Variants in SIMC1 observed in about 807,000 individuals in gnomAD.
SIMC1 encodes SUMO-interacting motif-containing protein 1.
A neutral mutation model predicts 82.3 loss-of-function variants in SIMC1; 55 were observed. That is an observed-to-expected ratio of 0.67 (90% CI 0.54 to 0.84). The LOEUF is 0.84. Ranked by LOEUF, SIMC1 falls within the 40% of genes least tolerant of loss-of-function variation. The probability of loss-of-function intolerance (pLI) is 0.00; values close to 1 mark genes in which losing one functional copy is unlikely to be tolerated. For synonymous variants in SIMC1, 353 were observed against 426.3 expected (o/e 0.83, Z 2.12); for missense variants, 915 against 1,107.2 (o/e 0.83, Z 2.46).
chr5:176,273,550 A>T (rs142672211), intron 1 of SIMC1, among the ~76,000 whole-genome samples: 3,208 of 152,258 alleles, frequency 0.021, 49 homozygotes, highest in Middle Eastern at 0.068. Context: ...CATGTGCACA[A>T]TGTGCAGGTT....
intron 1 of SIMC1, among the ~76,000 whole-genome samples, chr5:176,252,008 G>A (rs370623319): frequency 2.0e-5 from 3 of 151,718 alleles, no homozygotes; most frequent in Admixed American, 1.3e-4. Flanking sequence ...GCAACCATCC[G>A]ATTTCTCAAT....
chr5:176,291,910 G>C (rs529485337), intron 2 of SIMC1, among the ~76,000 whole-genome samples: 89 of 152,276 alleles, frequency 5.8e-4, no homozygotes, highest in Admixed American at 1.4e-3. Flanking sequence ...TTATCTTCTA[G>C]CTGGATGTGG....
intron 4 of SIMC1, among the ~76,000 whole-genome samples, chr5:176,304,662 G>T (rs1303960959): frequency 6.8e-6 from 1 of 147,250 alleles, no homozygotes; most frequent in Non-Finnish European, 1.5e-5. Context: ...TCTGGGATGT[G>T]AGGAGCCCCT....
rs1302866877 is a variant in SIMC1 at position 176,240,813 on chromosome 5, TTGAGCC to T, written c.129+2181_129+2186del. On this transcript the variant is annotated intron_variant, in intron 1 of 9. Transcript: ENST00000429602. ...GGAAAGTTCTGTCAACTCTCAGCTT[TTGAGCC>T]TGAGAACATTAATGCCTACCTAGCA... 2.3e-4 allele frequency among the ~76,000 whole-genome samples: 21 copies of T among 91,906 alleles called. 8 individuals are homozygous for T. The highest frequency in any genetic ancestry group is 8.3e-4 in the African/African-American group (20 of 24,168). The allele number at this position is 91,906 out of a possible 152,430, so 60.3% of individuals were successfully genotyped here.
intron 1 of SIMC1, among the ~76,000 whole-genome samples, chr5:176,256,448 C>T (rs1561673759): frequency 1.3e-5 from 2 of 152,118 alleles, no homozygotes; most frequent in Non-Finnish European, 2.9e-5. Flanking sequence ...TATACTCAGA[C>T]CTTCTATGGC....
chr5:176,301,197 G>A (rs1341597924), intron 4 of SIMC1, among the ~76,000 whole-genome samples: 1 of 152,160 alleles, frequency 6.6e-6, no homozygotes, highest in Non-Finnish European at 1.5e-5. Flanking sequence ...CCTGGTGGGA[G>A]GTAATTGAAT....
chr5:176,287,632 T>G (rs1763350081), intron 1 of SIMC1, among the ~76,000 whole-genome samples: 2 of 135,844 alleles, frequency 1.5e-5, no homozygotes, highest in Non-Finnish European at 3.2e-5. Flanking sequence ...AATATAATAA[T>G]TTTTTAAAAA....
chr5:176,325,672 C>T (rs530437743), intron 7 of SIMC1, among the ~76,000 whole-genome samples: 62 of 151,668 alleles, frequency 4.1e-4, no homozygotes, highest in African/African-American at 1.3e-3. Flanking sequence ...GGTGACAGAG[C>T]GAGACTCCGT....
intron 1 of SIMC1, among the ~76,000 whole-genome samples, chr5:176,272,821 G>C (rs1236456265): frequency 6.6e-6 from 1 of 152,238 alleles, no homozygotes; most frequent in Admixed American, 6.5e-5. Context: ...CCACACCCAT[G>C]GAGCCTCGTT....
chr5:176,244,727 T>TTCC (rs1761380195), intron 1 of SIMC1, among the ~76,000 whole-genome samples: 1 of 145,942 alleles, frequency 6.9e-6, no homozygotes, highest in Non-Finnish European at 1.5e-5. Flanking sequence ...TCCTTTTTTT[T>TTCC]TTTTTTTTTT....
At chr5:176,340,962 C>A (rs1035149903) in intron 9 of SIMC1, among the ~76,000 whole-genome samples, 1 of 152,150 alleles carries the variant, frequency 6.6e-6, no homozygotes, top group Non-Finnish European at 1.5e-5. Context: ...GCCTGGCCAA[C>A]ATGGCAGATC....
At position 176,275,303 on chromosome 5, in the gene SIMC1, A is replaced by G. The variant is rs199940135; in HGVS notation, c.130-14351A>G. On this transcript the variant is annotated intron_variant, in intron 1 of 9. Transcript: ENST00000429602. The stretch of plus-strand genomic sequence containing the variant: ...GTTATTGGTGTATAAGAATGCTTGT[A>G]ATTTTTGTACATTGATTTTGTATCC... Among the ~76,000 whole-genome samples the G allele has an allele frequency of 8.3e-4, 126 of 151,698 alleles. 5 individuals are homozygous for G. Among genetic ancestry groups the G allele is most frequent in the Admixed American group, 3.8e-3 (58 of 15,226 alleles).
intron 1 of SIMC1, among the ~76,000 whole-genome samples, chr5:176,276,665 T>A (rs1458916152): frequency 7.0e-6 from 1 of 143,836 alleles, no homozygotes; most frequent in African/African-American, 2.6e-5. Context: ...ATCTCATTGT[T>A]CAATTCCCAC....
intron 1 of SIMC1, chr5:176,270,558 A>G (rs1013458124): frequency 3.3e-5 from 5 of 152,332 alleles, no homozygotes; most frequent in African/African-American, 1.2e-4. Context: ...CATATTAAGG[A>G]AAGAGGCACT....
intron 4 of SIMC1, among the ~76,000 whole-genome samples, chr5:176,303,890 A>T (rs1204214709): frequency 6.6e-6 from 1 of 152,170 alleles, no homozygotes; most frequent in Non-Finnish European, 1.5e-5. Flanking sequence ...CTCTGAACAT[A>T]TAAAAATTAA....
chr5:176,340,620 C>T (rs1766094949), intron 9 of SIMC1, among the ~76,000 whole-genome samples: 1 of 152,208 alleles, frequency 6.6e-6, no homozygotes, highest in Non-Finnish European at 1.5e-5. Context: ...CAGATATCTA[C>T]TGAATGTCCT....
At chr5:176,322,001 C>T (rs1765183819) in intron 5 of SIMC1, among the ~76,000 whole-genome samples, 1 of 137,882 alleles carries the variant, frequency 7.3e-6, no homozygotes, top group Non-Finnish European at 1.5e-5. Context: ...GCTGGGATTA[C>T]AAGCATCAGC....
chr5:176,336,972 T>A, intron 8 of SIMC1, 90 bp from the exon 9 acceptor site: 1 of 1,601,014 alleles, frequency 6.2e-7, no homozygotes, highest in Non-Finnish European at 8.5e-7. Context: ...ACACAACTGT[T>A]TGAGCATTCT....
chr5:176,279,237 T>C (rs1483850969), intron 1 of SIMC1, among the ~76,000 whole-genome samples: 1 of 152,244 alleles, frequency 6.6e-6, no homozygotes, highest in African/African-American at 2.4e-5. Context: ...TTTATTTGCG[T>C]AGAGGTGTTT....
Sources: allele counts gnomAD v4.1 joint callset (sites outside exome capture counted in the v4.1 genomes callset), GRCh38; gene constraint gnomAD v4.1.1; transcripts MANE v1.5; gene names NCBI Gene and HGNC (gene_info 2026-07-23, HGNC 2026-07-21).